COL5A2: variants seen among roughly 807,000 people sequenced by gnomAD.
COL5A2 encodes the protein collagen type V alpha 2 chain, also known as collagen alpha-2(V) chain.
Under a neutral mutation model 208.2 loss-of-function variants are expected in COL5A2, and 23 were observed. The ratio of observed to expected loss-of-function variants is 0.11; its 90% CI spans 0.08 to 0.16. The LOEUF is 0.16. COL5A2 is among the 10% of genes least tolerant of loss of function. COL5A2 has a pLI of 1.00. For synonymous variants in COL5A2, 625 were observed against 628.5 expected (o/e 0.99, Z 0.08); for missense variants, 1,590 against 1,956.4 (o/e 0.81, Z 3.53).
the COL5A2 span, among the ~76,000 whole-genome samples, chr2:189,273,829 T>A: frequency 2.6e-5 from 4 of 152,098 alleles, no homozygotes; most frequent in Admixed American, 1.3e-4. Flanking sequence ...GGTAGAATGA[T>A]GATTACCAGA....
chr2:189,095,791 C>A (rs939038293), intron 6 of COL5A2: 4 of 151,962 alleles, frequency 2.6e-5, no homozygotes, highest in African/African-American at 9.7e-5. Flanking sequence ...ACCACCCATC[C>A]TCCACCCAAC....
the COL5A2 span, among the ~76,000 whole-genome samples, chr2:189,336,404 A>G: frequency 6.6e-6 from 1 of 152,208 alleles, no homozygotes; most frequent in Admixed American, 6.5e-5. Context: ...CATTACGTCC[A>G]TAAAATGGCT....
At chr2:189,232,206 T>G in the COL5A2 span, among the ~76,000 whole-genome samples, 1 of 151,800 alleles carries the variant, frequency 6.6e-6, no homozygotes, top group South Asian at 2.1e-4. Context: ...CTTCTGAATT[T>G]TTGTGCAAAC....
the COL5A2 span, among the ~76,000 whole-genome samples, chr2:189,339,672 CTA>C: frequency 6.6e-6 from 1 of 152,074 alleles, no homozygotes; most frequent in Non-Finnish European, 1.5e-5. Flanking sequence ...AGAAATGTAA[CTA>C]TGTGTGGGAA....
chr2:189,386,133 C>A, the COL5A2 span, among the ~76,000 whole-genome samples: 1 of 152,114 alleles, frequency 6.6e-6, no homozygotes, highest in Non-Finnish European at 1.5e-5. Flanking sequence ...CTCCACCTGG[C>A]CCTGCCCTTG....
intron 1 of COL5A2, among the ~76,000 whole-genome samples, chr2:189,206,146 G>A (rs141221341): frequency 4.1e-4 from 63 of 152,318 alleles, no homozygotes; most frequent in Non-Finnish European, 8.2e-4. Context: ...TCCATAGAAA[G>A]GATGTGTAGT....
intron 3 of COL5A2, among the ~76,000 whole-genome samples, chr2:189,102,532 C>T (rs1482516516): frequency 1.3e-5 from 2 of 151,964 alleles, no homozygotes; most frequent in African/African-American, 4.8e-5. Context: ...TAAAGTTTTA[C>T]TAAATTTAAT....
the COL5A2 span, among the ~76,000 whole-genome samples, chr2:189,398,196 T>C: frequency 6.6e-6 from 1 of 152,164 alleles, no homozygotes; most frequent in Non-Finnish European, 1.5e-5. Context: ...TTCTATCTGA[T>C]AAAATGTGTT....
intron 1 of COL5A2, among the ~76,000 whole-genome samples, chr2:189,203,535 T>A (rs550600362): frequency 1.2e-3 from 177 of 152,326 alleles, no homozygotes; most frequent in Admixed American, 2.8e-3. Flanking sequence ...TATTTTAAAA[T>A]TTTTTTACAG....
chr2:189,310,649 C>T, the COL5A2 span, among the ~76,000 whole-genome samples: 22 of 151,764 alleles, frequency 1.4e-4, no homozygotes, highest in African/African-American at 5.1e-4. Flanking sequence ...GCACTGTTCA[C>T]AACAAGATTT....
chr2:189,393,975 C>T, the COL5A2 span, among the ~76,000 whole-genome samples: 2 of 152,068 alleles, frequency 1.3e-5, no homozygotes, highest in African/African-American at 2.4e-5. Context: ...TTTTATGCTC[C>T]CCATCTGTTG....
the COL5A2 span, among the ~76,000 whole-genome samples, chr2:189,247,788 C>T: frequency 1.3e-4 from 20 of 152,076 alleles, no homozygotes; most frequent in African/African-American, 4.6e-4. Flanking sequence ...CCAAGTTGGT[C>T]AGGCTGGTCT....
intron 1 of COL5A2, among the ~76,000 whole-genome samples, chr2:189,168,608 A>G (rs1278307944): frequency 6.6e-6 from 1 of 152,174 alleles, no homozygotes; most frequent in Non-Finnish European, 1.5e-5. Context: ...AGGTTCTTCT[A>G]CCTCAAGAGC....
At chr2:189,227,227 T>C (rs1689433185), upstream of COL5A2, among the ~76,000 whole-genome samples, 1 of 151,916 alleles carries the variant, frequency 6.6e-6, no homozygotes, top group Non-Finnish European at 1.5e-5. Context: ...AGGAACAAAA[T>C]AAATCTCCAG....
At chr2:189,380,465 T>TA in the COL5A2 span, among the ~76,000 whole-genome samples, 6 of 151,742 alleles carry the variant, frequency 4.0e-5, no homozygotes, top group African/African-American at 1.4e-4. Flanking sequence ...GAAAAAATAA[T>TA]AAAAACAGAT....
At chr2:189,425,431 T>C in the COL5A2 span, among the ~76,000 whole-genome samples, 2 of 152,226 alleles carry the variant, frequency 1.3e-5, no homozygotes, top group African/African-American at 4.8e-5. Flanking sequence ...ATAGCTGAGA[T>C]ATGGAATCAA....
rs571119967 is a variant in COL5A2 at position 189,169,797 on chromosome 2, G to A, written c.97+9711C>T. On this transcript the variant is annotated intron_variant, in intron 1 of 53. Transcript: ENST00000374866. Reference sequence around the variant, plus strand: ...CGCGATCTCAGCTCACTGCAACCTCGCCTCCCGGGTTCAAGCAATTCTCCT... The same window carrying A: ...CGCGATCTCAGCTCACTGCAACCTCACCTCCCGGGTTCAAGCAATTCTCCT... Among the ~76,000 whole-genome samples the A allele has an allele frequency of 7.9e-5, 12 of 152,238 alleles. No individual in the cohort carries two copies. The East Asian group carries it at 1.2e-3, about 15-fold the overall frequency.
At position 189,095,492 on chromosome 2, in the gene COL5A2, GCT is replaced by G. The variant is rs1300186216; in HGVS notation, c.456+1783_456+1784del. Among the ~76,000 whole-genome samples, 7 of 151,040 alleles carry G rather than the reference GCT, an allele frequency of 4.6e-5. No individual in the cohort carries two copies. In the East Asian group the frequency reaches 1.4e-3, roughly 29 times the overall value. On this transcript the variant is annotated intron_variant, in intron 6 of 53. Transcript: ENST00000374866. Reference sequence around the variant, plus strand: ...CCCCCTTTCTCCCTCTCTCTCTCTCGCTCTTTCATACACACACACACAAACAC... The same window carrying G: ...CCCCCTTTCTCCCTCTCTCTCTCTCGCTTTCATACACACACACACAAACAC...
the COL5A2 span, among the ~76,000 whole-genome samples, chr2:189,403,370 C>A: frequency 1.3e-5 from 2 of 152,208 alleles, no homozygotes; most frequent in Non-Finnish European, 2.9e-5. Context: ...GATACTTTGA[C>A]TTCCTCTCTT....
Sources: gnomAD v4.1 joint callset for allele counts (sites outside exome capture counted in the v4.1 genomes callset) on GRCh38, gnomAD v4.1.1 for gene constraint, MANE v1.5 for transcripts, NCBI Gene and HGNC (gene_info 2026-07-23, HGNC 2026-07-21) for gene names.